Variants in DLG2 observed in about 807,000 individuals in gnomAD.
The protein encoded by DLG2 is disks large homolog 2.
Under a neutral mutation model 132.5 loss-of-function variants are expected in DLG2, and 45 were observed. The observed-to-expected ratio is 0.34, with a 90% CI of 0.27 to 0.44. DLG2 has a LOEUF of 0.44. DLG2 is among the 20% of genes least tolerant of loss of function. The pLI, the probability that DLG2 is intolerant of heterozygous loss-of-function variation, is 1.00. For missense variants in DLG2, 1,045 were observed against 1,196.9 expected (o/e 0.87, Z 1.87); for synonymous variants, 424 against 419.6 (o/e 1.01, Z -0.13).
chr11:83,810,814 C>T (rs1317354964), intron 17 of DLG2, among the ~76,000 whole-genome samples: 1 of 152,012 alleles, frequency 6.6e-6, no homozygotes, highest in Non-Finnish European at 1.5e-5. Flanking sequence ...AGGTTCTGTG[C>T]CATGTCCCAT....
intron 6 of DLG2, among the ~76,000 whole-genome samples, chr11:84,675,891 C>A (rs540316123): frequency 1.7e-4 from 26 of 152,008 alleles, no homozygotes; most frequent in Non-Finnish European, 3.7e-4. Flanking sequence ...CCTCCCTTGT[C>A]CACTTAAATC....
At chr11:84,072,074 A>G (rs2154145134) in intron 10 of DLG2, among the ~76,000 whole-genome samples, 1 of 152,358 alleles carries the variant, frequency 6.6e-6, no homozygotes, top group African/African-American at 2.4e-5. Flanking sequence ...TAATGCACAT[A>G]AAGGCTTCTT....
intron 9 of DLG2, among the ~76,000 whole-genome samples, chr11:84,109,950 C>T (rs1297932872): frequency 6.6e-6 from 1 of 152,176 alleles, no homozygotes; most frequent in Non-Finnish European, 1.5e-5. Context: ...GATTCTACCC[C>T]TGAAATACCC....
At chr11:84,031,873 AC>A (rs2095704642) in intron 11 of DLG2, among the ~76,000 whole-genome samples, 1 of 152,096 alleles carries the variant, frequency 6.6e-6, no homozygotes, top group African/African-American at 2.4e-5. Context: ...GTCGTGTGTC[AC>A]ATTTTTTTTG....
chr11:84,468,897 G>T (rs1023677054), intron 7 of DLG2, among the ~76,000 whole-genome samples: 1 of 151,454 alleles, frequency 6.6e-6, no homozygotes, highest in Non-Finnish European at 1.5e-5. Flanking sequence ...GAGACTCATT[G>T]ACTAATGTAA....
intron 4 of DLG2, among the ~76,000 whole-genome samples, chr11:85,170,793 C>G (rs1381389217): frequency 6.6e-6 from 1 of 152,062 alleles, no homozygotes; most frequent in Non-Finnish European, 1.5e-5. Context: ...AGGTGACTGA[C>G]AGGAGAGAGA....
intron 7 of DLG2, among the ~76,000 whole-genome samples, chr11:84,351,056 T>C (rs2098564944): frequency 6.6e-6 from 1 of 152,168 alleles, no homozygotes; most frequent in Non-Finnish European, 1.5e-5. Flanking sequence ...TATACAGAAC[T>C]TTAGATGTGA....
At chr11:83,665,440 T>C (rs2075317856) in intron 18 of DLG2, among the ~76,000 whole-genome samples, 2 of 152,202 alleles carry the variant, frequency 1.3e-5, no homozygotes, top group Admixed American at 6.5e-5. Context: ...TACAACATAG[T>C]GTCACAGCAT....
chr11:84,340,904 T>C (rs2098511463), intron 7 of DLG2, among the ~76,000 whole-genome samples: 1 of 152,154 alleles, frequency 6.6e-6, no homozygotes, highest in African/African-American at 2.4e-5. Flanking sequence ...TGGTTGAGGA[T>C]ATAAGCAGTG....
At chr11:84,839,786 T>A (rs1599404433) in intron 6 of DLG2, among the ~76,000 whole-genome samples, 1 of 152,128 alleles carries the variant, frequency 6.6e-6, no homozygotes. Context: ...TGGCTACCCA[T>A]ATGTAGAAAG....
At chr11:84,768,702 C>A (rs933188216) in intron 6 of DLG2, among the ~76,000 whole-genome samples, 1 of 152,068 alleles carries the variant, frequency 6.6e-6, no homozygotes, top group African/African-American at 2.4e-5. Context: ...AAATTATAAA[C>A]GACTGAAATT....
At chr11:85,550,792 T>C (rs1228885388) in intron 3 of DLG2, among the ~76,000 whole-genome samples, 2 of 152,230 alleles carry the variant, frequency 1.3e-5, no homozygotes, top group African/African-American at 4.8e-5. Context: ...TCAAGAACAG[T>C]TCCTCTTTAC....
At position 84,749,391 on chromosome 11, in the gene DLG2, G is replaced by A. The variant is rs148691635; in HGVS notation, c.358-214660C>T. On this transcript the variant is annotated intron_variant, in intron 6 of 27. Coordinates refer to ENST00000376104, the MANE Select transcript of DLG2 (RefSeq NM_001142699.3). ...CATGTGCTGCCATAACAACGTTTTG[G>A]TCAATACAAACTGCATATAAGATAG... is the stretch of plus-strand genomic sequence containing the variant. Among the ~76,000 whole-genome samples the A allele has an allele frequency of 1.7e-3, 260 of 152,190 alleles. 1 individual carries two copies. The highest frequency in any genetic ancestry group is 5.8e-3 in the African/African-American group (240 of 41,526).
At chr11:85,093,648 G>T (rs1022985000) in intron 6 of DLG2, among the ~76,000 whole-genome samples, 2 of 152,162 alleles carry the variant, frequency 1.3e-5, no homozygotes, top group Non-Finnish European at 2.9e-5. Context: ...ACGTGTGCGG[G>T]GGAACTCTCG....
At chr11:85,433,050 T>A (rs2091280344) in intron 3 of DLG2, among the ~76,000 whole-genome samples, 1 of 152,150 alleles carries the variant, frequency 6.6e-6, no homozygotes, top group African/African-American at 2.4e-5. Context: ...AACCCAGAAT[T>A]TCATATCTGG....
At chr11:84,739,900 C>T (rs1165347938) in intron 6 of DLG2, among the ~76,000 whole-genome samples, 1 of 151,992 alleles carries the variant, frequency 6.6e-6, no homozygotes, top group Non-Finnish European at 1.5e-5. Flanking sequence ...TTAGTACAGT[C>T]TCCTGGGGTC....
At chr11:85,020,492 T>G (rs547406218) in intron 6 of DLG2, among the ~76,000 whole-genome samples, 1 of 152,220 alleles carries the variant, frequency 6.6e-6, no homozygotes, top group African/African-American at 2.4e-5. Context: ...ATTTTGGCTT[T>G]TGTTCCCATT....
intron 6 of DLG2, among the ~76,000 whole-genome samples, chr11:85,062,918 T>TA (rs1412747560): frequency 1.3e-5 from 2 of 151,654 alleles, no homozygotes; most frequent in Non-Finnish European, 2.9e-5. Flanking sequence ...TTACAATTGT[T>TA]AAAATGCCTC....
intron 14 of DLG2, among the ~76,000 whole-genome samples, chr11:83,959,113 AAG>A (rs530122569): frequency 1.3e-5 from 2 of 152,282 alleles, no homozygotes; most frequent in South Asian, 4.1e-4. Flanking sequence ...GCATGCTACT[AAG>A]AGATTGTATC....
Sources: allele counts gnomAD v4.1 joint callset (sites outside exome capture counted in the v4.1 genomes callset), GRCh38; gene constraint gnomAD v4.1.1; transcripts MANE v1.5; gene names NCBI Gene and HGNC (gene_info 2026-07-23, HGNC 2026-07-21).